Variants in PCDHGA7 observed in about 807,000 individuals in gnomAD.
PCDHGA7 encodes the protein protocadherin gamma subfamily A, 7, also known as protocadherin gamma-A7.
Under a neutral mutation model 58.3 loss-of-function variants are expected in PCDHGA7, and 44 were observed. That is an observed-to-expected ratio of 0.75 (90% CI 0.59 to 0.97). PCDHGA7 has a LOEUF of 0.97. PCDHGA7 is among the 50% of genes least tolerant of loss of function. The pLI, the probability that PCDHGA7 is intolerant of heterozygous loss-of-function variation, is 0.00. For synonymous variants in PCDHGA7, 516 were observed against 504.2 expected, an observed-to-expected ratio of 1.02 and a Z score of -0.31; for missense variants, 1,266 against 1,188.7, an observed-to-expected ratio of 1.06 and a Z score of -0.96.
At chr5:141,444,056 A>G (rs1055292734) in intron 1 of PCDHGA7, among the ~76,000 whole-genome samples, 7 of 151,740 alleles carry the variant, frequency 4.6e-5, no homozygotes, top group Non-Finnish European at 7.4e-5. Context: ...GGCATCTTCA[A>G]TCTAGATTCT....
chr5:141,400,048 G>A (rs760963865), intron 1 of PCDHGA7: 3 of 1,613,664 alleles, frequency 1.9e-6, no homozygotes, highest in Non-Finnish European at 2.5e-6. Context: ...CCTGCTGGTT[G>A]CTGTGCGTGA....
At chr5:141,408,636 C>A in intron 1 of PCDHGA7, 1 of 1,614,024 alleles carries the variant, frequency 6.2e-7, no homozygotes, top group Non-Finnish European at 8.5e-7. Flanking sequence ...ATTTTCGAAT[C>A]TGCATCCGCT....
chr5:141,415,406 T>G, intron 1 of PCDHGA7: 1 of 1,614,208 alleles, frequency 6.2e-7, no homozygotes. Flanking sequence ...GGCTCGCACT[T>G]TGTGGGCGTG....
chr5:141,418,396 A>G lies in PCDHGA7; in HGVS notation c.2424+33073A>G, dbSNP rs139206858. 4.9e-3 allele frequency: 7,975 copies of G among 1,613,844 alleles called. 44 individuals are homozygous for G. The highest frequency in any genetic ancestry group is 9.4e-3 in the Admixed American group (567 of 60,030). On this transcript the variant is annotated intron_variant, in intron 1 of 3. Coordinates refer to ENST00000518325, the MANE Select transcript of PCDHGA7 (RefSeq NM_018920.4). Reference sequence around the variant, plus strand: ...AACTAAGTCCTAACGAGTATTTCTCATTGGTGGAGAAAGACAATCCTGATG... The same window carrying G: ...AACTAAGTCCTAACGAGTATTTCTCGTTGGTGGAGAAAGACAATCCTGATG...
At chr5:141,421,305 G>A in intron 1 of PCDHGA7, 23 of 1,613,652 alleles carry the variant, frequency 1.4e-5, no homozygotes, top group Non-Finnish European at 1.9e-5. Context: ...CGCTGCGGGG[G>A]TTCCGGGCCA....
chr5:141,395,222 A>G, intron 1 of PCDHGA7: 2 of 1,611,606 alleles, frequency 1.2e-6, no homozygotes, highest in Non-Finnish European at 1.7e-6. Flanking sequence ...ATAAGAATGA[A>G]GCTGATCATG....
At chr5:141,456,873 G>A (rs2098894054) in intron 1 of PCDHGA7, among the ~76,000 whole-genome samples, 1 of 152,152 alleles carries the variant, frequency 6.6e-6, no homozygotes, top group Non-Finnish European at 1.5e-5. Context: ...TGAGGCAGGA[G>A]AATCGCTTGA....
At chr5:141,407,497 G>GTTTTTTTTTTTTTTTTTTTTTTT (rs1554102286) in intron 1 of PCDHGA7, among the ~76,000 whole-genome samples, 2 of 152,088 alleles carry the variant, frequency 1.3e-5, no homozygotes, top group African/African-American at 4.8e-5. Context: ...CTTTATTTCT[G>GTTTTTTTTTTTTTTTTTTTTTTT]TTTTTCTTAG....
intron 1 of PCDHGA7, among the ~76,000 whole-genome samples, chr5:141,460,934 G>GTA (rs2099001529): frequency 2.7e-5 from 4 of 149,622 alleles, no homozygotes; most frequent in African/African-American, 9.9e-5. Context: ...ATGTGTGTGT[G>GTA]TATATATATG....
chr5:141,397,695 C>T lies in PCDHGA7; in HGVS notation c.2424+12372C>T, dbSNP rs146807025. ...AATGTATGCAGGTTTGTATAAAAAC[C>T]CAACGTGATATTTCTAACAATTTGG... On this transcript the variant is annotated intron_variant, in intron 1 of 3. Coordinates refer to ENST00000518325, the MANE Select transcript of PCDHGA7 (RefSeq NM_018920.4). 1.4e-3 allele frequency among the ~76,000 whole-genome samples: 211 copies of T among 152,210 alleles called. 1 individual carries two copies. Among genetic ancestry groups the T allele is most frequent in the African/African-American group, 4.7e-3 (197 of 41,534 alleles).
At chr5:141,400,000 G>A (rs765622041) in intron 1 of PCDHGA7, 1 of 1,612,388 alleles carries the variant, frequency 6.2e-7, no homozygotes, top group Non-Finnish European at 8.5e-7. Context: ...GGTGCGCACA[G>A]CGCGTGCCTT....
chr5:141,484,883 G>GCC (rs1231530221), intron 1 of PCDHGA7: 2 of 352,506 alleles, frequency 5.7e-6, no homozygotes, highest in Admixed American at 9.0e-5. Flanking sequence ...GATAGGGTGG[G>GCC]CTTTTTCCCC....
rs2154586601 is a variant in PCDHGA7, at chr5:141,491,555, A to G, written c.2425-3252A>G. The G allele has an allele frequency of 6.2e-7, 1 of 1,613,986 alleles. No homozygotes were observed. The highest frequency in any genetic ancestry group is 2.2e-5 in the East Asian group (1 of 44,862). ...CTGCGGCCCACAGACTCGCAGAGCC[A>G]CTGCTACAGGACGTGCTTTTCACCG... On this transcript the variant is annotated intron_variant, in intron 1 of 3. Transcript: ENST00000518325. This position sits in a 1 kb window ranked among gnomAD's most constrained non-coding sequence, Gnocchi z 6.9.
chr5:141,497,374 T>C (rs2099776044), intron 2 of PCDHGA7, among the ~76,000 whole-genome samples: 1 of 152,112 alleles, frequency 6.6e-6, no homozygotes, highest in Non-Finnish European at 1.5e-5. Flanking sequence ...ATGTGTCCTC[T>C]GGGGTGAGCA....
rs2099612736 is a variant in PCDHGA7 at position 141,485,393 on chromosome 5, C to T, written c.2425-9414C>T. The T allele has an allele frequency of 6.2e-7, 1 of 1,614,154 alleles. No homozygotes were observed. The highest frequency in any genetic ancestry group is 1.7e-5 in the Admixed American group (1 of 60,020). ...GGTCGCTGGAGAGGTGAACCAAAGA[C>T]ACTTCCGTGTGGATTTGGACAGCGG... On this transcript the variant is annotated intron_variant, in intron 1 of 3. Coordinates refer to ENST00000518325, the MANE Select transcript of PCDHGA7 (RefSeq NM_018920.4). The surrounding 1 kb of genome is among the most constrained non-coding windows in gnomAD (Gnocchi z 5.7).
chr5:141,441,861 C>T (rs3805696), intron 1 of PCDHGA7: 35,405 of 342,650 alleles, frequency 0.1, 2,215 homozygotes, highest in African/African-American at 0.17. Context: ...TGCTGCACGC[C>T]GCGGAGCCTG....
intron 1 of PCDHGA7, 50 bp downstream of exon 1, chr5:141,385,373 T>A (rs754384717): frequency 6.5e-7 from 1 of 1,529,238 alleles, no homozygotes; most frequent in African/African-American, 1.4e-5. Context: ...TTGCATGATA[T>A]TTCTCTATTA....
At position 141,400,963 on chromosome 5, in the gene PCDHGA7, ATC is replaced by A. The variant is rs563949563; in HGVS notation, c.2424+15644_2424+15645del. ...TTCACTGATTTCACTGGTAGTTTTC[ATC>A]TCTTTCTTATGTTCCTCATATATGC... is the stretch of plus-strand genomic sequence containing the variant. On this transcript the variant is annotated intron_variant, in intron 1 of 3. Coordinates refer to ENST00000518325, the MANE Select transcript of PCDHGA7 (RefSeq NM_018920.4). 3.8e-3 allele frequency among the ~76,000 whole-genome samples: 582 copies of A among 152,338 alleles called. 6 individuals carry two copies. Among genetic ancestry groups the A allele is most frequent in the Admixed American group, 0.011 (171 of 15,304 alleles).
chr5:141,390,371 T>C (rs761971479), intron 1 of PCDHGA7: 15 of 1,499,488 alleles, frequency 1.0e-5, no homozygotes, highest in Non-Finnish European at 3.6e-6. Context: ...GGAAAATATA[T>C]AATTTTTAGA....
Sources: allele counts gnomAD v4.1 joint callset (sites outside exome capture counted in the v4.1 genomes callset), GRCh38; gene constraint gnomAD v4.1.1; non-coding constraint Gnocchi (gnomAD v3.1); transcripts MANE v1.5; gene names NCBI Gene and HGNC (gene_info 2026-07-23, HGNC 2026-07-21).